Variants in ELMOD1 observed in about 807,000 individuals in gnomAD.
ELMOD1 encodes the protein ELMO domain containing 1.
A neutral mutation model predicts 46.7 loss-of-function variants in ELMOD1; 21 were observed. The ratio of observed to expected loss-of-function variants is 0.45; its 90% confidence interval spans 0.32 to 0.65. ELMOD1 has a LOEUF of 0.65. ELMOD1 is among the 30% of genes least tolerant of loss of function. ELMOD1 has a pLI of 0.04. For synonymous variants in ELMOD1, 122 were observed against 138.2 expected, an observed-to-expected ratio of 0.88 and a Z score of 0.82; for missense variants, 348 against 407.8, an observed-to-expected ratio of 0.85 and a Z score of 1.26.
At chr11:107,664,959 T>G in intron 11 of ELMOD1, 66 bp from the exon 12 acceptor site, 1 of 1,459,448 alleles carries the variant, frequency 6.9e-7, no homozygotes, top group Middle Eastern at 1.8e-4. Flanking sequence ...GCATTCAGAA[T>G]GATTTTGAAT....
At chr11:107,636,966 C>T (rs1046884385) in intron 6 of ELMOD1, among the ~76,000 whole-genome samples, 1 of 152,152 alleles carries the variant, frequency 6.6e-6, no homozygotes, top group Non-Finnish European at 1.5e-5. Context: ...AGAGCCTGAA[C>T]AATGTATTAG....
chr11:107,660,342 G>A (rs994217936), intron 11 of ELMOD1, among the ~76,000 whole-genome samples: 3 of 152,100 alleles, frequency 2.0e-5, no homozygotes, highest in Admixed American at 1.3e-4. Context: ...TCCTTCTGAC[G>A]TTACAGTATT....
At chr11:107,598,507 CTT>C (rs1180262333) in intron 1 of ELMOD1, among the ~76,000 whole-genome samples, 1 of 152,208 alleles carries the variant, frequency 6.6e-6, no homozygotes, top group African/African-American at 2.4e-5. Flanking sequence ...TCTGGGCACT[CTT>C]TGATCAGTCA....
Position 107,654,516 on chromosome 11 carries a change from T to G in ELMOD1, c.698+294T>G, listed in dbSNP as rs147926180. ...CGGGCGCGGTGGCTCACGCCTGTAA[T>G]CCCAGCACTTTGGGAGGCCGAGGCG... On this transcript the variant is annotated intron_variant, in intron 10 of 11. Transcript: ENST00000265840. Among the ~76,000 whole-genome samples, 2,552 of 152,276 alleles carry G rather than the reference T, an allele frequency of 0.017. 39 individuals are homozygous for G. The highest frequency in any genetic ancestry group is 0.044 in the Middle Eastern group (13 of 294).
intron 6 of ELMOD1, chr11:107,642,933 G>A: frequency 3.0e-6 from 1 of 336,770 alleles, no homozygotes; most frequent in Non-Finnish European, 5.9e-6. Context: ...CTCTTCTAAA[G>A]TTGGTACAAT....
At chr11:107,606,222 C>T (rs1047887872) in intron 1 of ELMOD1, among the ~76,000 whole-genome samples, 14 of 152,194 alleles carry the variant, frequency 9.2e-5, no homozygotes, top group Non-Finnish European at 1.8e-4. Flanking sequence ...GCAAACTTAG[C>T]CATTATCTCA....
intron 11 of ELMOD1, among the ~76,000 whole-genome samples, chr11:107,660,054 G>A (rs1300100107): frequency 6.6e-6 from 1 of 152,122 alleles, no homozygotes; most frequent in Non-Finnish European, 1.5e-5. Context: ...GTGTATGTAG[G>A]CAGAGGGGCT....
intron 11 of ELMOD1, among the ~76,000 whole-genome samples, chr11:107,657,925 T>G (rs1315554901): frequency 6.6e-6 from 1 of 152,176 alleles, no homozygotes; most frequent in Non-Finnish European, 1.5e-5. Flanking sequence ...TTTGAACACA[T>G]TGAGAAGACA....
intron 2 of ELMOD1, among the ~76,000 whole-genome samples, chr11:107,629,201 C>G (rs1340521491): frequency 1.3e-5 from 2 of 152,074 alleles, no homozygotes; most frequent in Non-Finnish European, 2.9e-5. Flanking sequence ...CTATTGGAAC[C>G]AGAGCAATTT....
chr11:107,616,602 C>T (rs973936547), intron 1 of ELMOD1, among the ~76,000 whole-genome samples: 7 of 152,148 alleles, frequency 4.6e-5, no homozygotes, highest in Admixed American at 2.0e-4. Context: ...TGGTCTTGAA[C>T]GCCTGACCTC....
Sources: gnomAD v4.1 joint callset for allele counts (sites outside exome capture counted in the v4.1 genomes callset) on GRCh38, gnomAD v4.1.1 for gene constraint, MANE v1.5 for transcripts, NCBI Gene and HGNC (gene_info 2026-07-23, HGNC 2026-07-21) for gene names.